Variants in MEF2C observed in about 807,000 individuals in gnomAD.
MEF2C encodes myocyte enhancer factor 2C, also known as myocyte-specific enhancer factor 2C.
Under a neutral mutation model 50.5 loss-of-function variants are expected in MEF2C, and 6 were observed. That is an observed-to-expected ratio of 0.12 (90% CI 0.07 to 0.23). The LOEUF (loss-of-function observed/expected upper bound fraction) is 0.23, where lower values mean the gene tolerates loss of function less well. Among genes scored for constraint, MEF2C ranks in the 10% least tolerant of loss-of-function variants. MEF2C has a pLI of 1.00. For missense variants in MEF2C, 276 were observed against 605.0 expected (o/e 0.46, Z 5.70); for synonymous variants, 183 against 228.0 (o/e 0.80, Z 1.78).
chr5:88,837,273 C>A (rs944741171), intron 1 of MEF2C, among the ~76,000 whole-genome samples: 2 of 151,896 alleles, frequency 1.3e-5, no homozygotes, highest in African/African-American at 4.8e-5. Flanking sequence ...AATAGTATTG[C>A]TGAAGACATG....
chr5:88,817,181 C>T (rs1461642032), intron 2 of MEF2C, among the ~76,000 whole-genome samples: 1 of 151,966 alleles, frequency 6.6e-6, no homozygotes, highest in Non-Finnish European at 1.5e-5. Context: ...GTGAATGTAT[C>T]TCTCTTTCAA....
rs1011704856 is a variant in MEF2C at position 88,819,053 on chromosome 5, G to T, written c.54+4682C>A. Among the ~76,000 whole-genome samples, 5 of 152,048 alleles carry T rather than the reference G, an allele frequency of 3.3e-5. 1 individual carries two copies. Among genetic ancestry groups the T allele is most frequent in the Admixed American group, 3.3e-4 (5 of 15,220 alleles). ...AACTTTTTTTCATCCTCACTCTAGT[G>T]ATGAGGGTACTGCTGAAGCTCAGAG... On this transcript the variant is annotated intron_variant, in intron 2 of 10. Transcript: ENST00000504921.
chr5:88,878,439 T>C (rs1310558897), intron 1 of MEF2C, among the ~76,000 whole-genome samples: 1 of 151,984 alleles, frequency 6.6e-6, no homozygotes, highest in African/African-American at 2.4e-5. Flanking sequence ...ATCACAAACA[T>C]GCAAAAATAT....
rs573959021 is a variant in MEF2C at position 88,848,157 on chromosome 5, T to C, written c.-142-24227A>G. ...TGTCATAACTTTTAAAAAGATGATA[T>C]AGAATAATTTGCCATTTAAAAAAAC... On this transcript the variant is annotated intron_variant, in intron 1 of 10. Coordinates refer to ENST00000504921, the MANE Select transcript of MEF2C (RefSeq NM_002397.5). 9.1e-4 allele frequency among the ~76,000 whole-genome samples: 138 copies of C among 152,260 alleles called. 2 individuals are homozygous for C. Among genetic ancestry groups the C allele is most frequent in the African/African-American group, 3.0e-3 (125 of 41,564 alleles).
chr5:88,802,822 C>A (rs150372926), intron 3 of MEF2C, among the ~76,000 whole-genome samples: 126 of 152,290 alleles, frequency 8.3e-4, no homozygotes, highest in Non-Finnish European at 1.5e-3. Flanking sequence ...GATGAATGTT[C>A]TAGGTTTTAA....
chr5:88,749,842 A>ATCTCC (rs2152504227), intron 5 of MEF2C, among the ~76,000 whole-genome samples: 1 of 152,236 alleles, frequency 6.6e-6, no homozygotes, highest in Admixed American at 6.5e-5. Flanking sequence ...CATCCTGGCT[A>ATCTCC]ACACGGTGAA....
At chr5:88,855,611 T>C (rs1351040991) in intron 1 of MEF2C, among the ~76,000 whole-genome samples, 1 of 152,202 alleles carries the variant, frequency 6.6e-6, no homozygotes, top group Non-Finnish European at 1.5e-5. Flanking sequence ...TGGAGATAAC[T>C]GAATCATAGG....
intron 4 of MEF2C, among the ~76,000 whole-genome samples, chr5:88,758,831 C>A (rs1219681660): frequency 6.6e-6 from 1 of 152,218 alleles, no homozygotes; most frequent in African/African-American, 2.4e-5. Flanking sequence ...CCACACACCA[C>A]TGCACCCCTT....
chr5:88,781,317 G>C (rs1018394322), intron 3 of MEF2C, among the ~76,000 whole-genome samples: 5 of 152,178 alleles, frequency 3.3e-5, no homozygotes, highest in Non-Finnish European at 7.4e-5. Context: ...TATGCAAAAA[G>C]GAACAGCAGG....
chr5:88,844,003 G>C (rs1818413691), intron 1 of MEF2C, among the ~76,000 whole-genome samples: 1 of 151,932 alleles, frequency 6.6e-6, no homozygotes. Context: ...GTAGAGACGG[G>C]GTTTCACCAT....
At chr5:88,788,964 AG>A (rs1483748788) in intron 3 of MEF2C, among the ~76,000 whole-genome samples, 67 of 152,342 alleles carry the variant, frequency 4.4e-4, no homozygotes, top group African/African-American at 1.5e-3. Context: ...TTAGATTAGT[AG>A]TAGCTCATGC....
rs1294232329 is a variant in MEF2C, at chr5:88,721,995, A to G, written c.*609T>C. 6.6e-6 allele frequency: 1 copy of G among 152,628 alleles called. No individual in the cohort carries two copies. The highest frequency in any genetic ancestry group is 1.9e-4 in the East Asian group (1 of 5,202). 9.5% of individuals were successfully genotyped at this position (152,628 alleles called of 1,614,324 possible). ...ATTTATTTATTTAATTAAATATGTT[A>G]GCCCTCCAACTCCACATTTTTTTTT... On this transcript the variant is annotated 3_prime_UTR_variant, in exon 11 of 11. Transcript: ENST00000504921.
chr5:88,824,074 A>G (rs560898568), intron 1 of MEF2C, 144 bp from the exon 2 acceptor site: 1 of 916,502 alleles, frequency 1.1e-6, no homozygotes. Flanking sequence ...TTAAAAATAT[A>G]TGGTATATCA....
At chr5:88,731,092 G>A (rs1378028824) in intron 7 of MEF2C, among the ~76,000 whole-genome samples, 1 of 152,098 alleles carries the variant, frequency 6.6e-6, no homozygotes, top group Non-Finnish European at 1.5e-5. Flanking sequence ...CTTCCTTAGA[G>A]GTGCTACAAT....
chr5:88,740,469 C>T, intron 6 of MEF2C: 3 of 984,404 alleles, frequency 3.0e-6, no homozygotes, highest in Non-Finnish European at 2.4e-6. Context: ...TAGGCATCAC[C>T]ATCCCAGCTT....
chr5:88,891,910 A>T (rs1425282819), intron 1 of MEF2C, among the ~76,000 whole-genome samples: 1 of 152,118 alleles, frequency 6.6e-6, no homozygotes, highest in Non-Finnish European at 1.5e-5. Flanking sequence ...GTTGGTATTA[A>T]TTCTGCTCTT....
chr5:88,847,933 A>G (rs1278551052), intron 1 of MEF2C, among the ~76,000 whole-genome samples: 1 of 152,190 alleles, frequency 6.6e-6, no homozygotes, highest in Non-Finnish European at 1.5e-5. Context: ...TTTGAACACA[A>G]ACAATGATTA....
chr5:88,844,923 G>A (rs374766689), intron 1 of MEF2C, among the ~76,000 whole-genome samples: 12 of 152,270 alleles, frequency 7.9e-5, no homozygotes, highest in Admixed American at 4.6e-4. Flanking sequence ...GAGAAATGCC[G>A]TGTTCTGCAA....
At chr5:88,749,399 G>C in intron 5 of MEF2C, 2 of 985,030 alleles carry the variant, frequency 2.0e-6, no homozygotes, top group Non-Finnish European at 2.4e-6. Flanking sequence ...TCTAAGTCTA[G>C]GTTTTCCCTA....
Sources: allele counts gnomAD v4.1 joint callset (sites outside exome capture counted in the v4.1 genomes callset), GRCh38; gene constraint gnomAD v4.1.1; transcripts MANE v1.5; gene names NCBI Gene and HGNC (gene_info 2026-07-23, HGNC 2026-07-21).